Variants in DSCAML1 observed in about 807,000 individuals in gnomAD.
DSCAML1 encodes the protein cell adhesion molecule DSCAML1.
A neutral mutation model predicts 200.5 loss-of-function variants in DSCAML1; 38 were observed. The ratio of observed to expected loss-of-function variants is 0.19; its 90% CI spans 0.15 to 0.25. The LOEUF is 0.25. Among genes scored for constraint, DSCAML1 ranks in the 10% least tolerant of loss-of-function variants. The probability of loss-of-function intolerance (pLI) is 1.00; values close to 1 mark genes in which losing one functional copy is unlikely to be tolerated. For synonymous variants in DSCAML1, 1,215 were observed against 1,165.0 expected (o/e 1.04, Z -0.87); for missense variants, 2,223 against 2,858.8 (o/e 0.78, Z 5.07).
chr11:117,527,710 C>T (rs1016723701), intron 4 of DSCAML1, among the ~76,000 whole-genome samples: 1 of 152,152 alleles, frequency 6.6e-6, no homozygotes, highest in Non-Finnish European at 1.5e-5. Context: ...ATCTAAAATC[C>T]TAAATTTTGC....
intron 11 of DSCAML1, among the ~76,000 whole-genome samples, chr11:117,486,512 A>G (rs2049069798): frequency 6.6e-6 from 1 of 152,242 alleles, no homozygotes; most frequent in Non-Finnish European, 1.5e-5. Flanking sequence ...CGCATGTCTC[A>G]GGCAAGAAGG....
intron 5 of DSCAML1, among the ~76,000 whole-genome samples, chr11:117,522,855 G>A (rs1159120846): frequency 6.6e-6 from 1 of 152,168 alleles, no homozygotes; most frequent in Non-Finnish European, 1.5e-5. Flanking sequence ...GGGAGAGGCT[G>A]TAGAGAGGCT....
chr11:117,432,284 T>C lies in DSCAML1; in HGVS notation c.5179+68A>G, dbSNP rs74741480. On this transcript the variant is annotated intron_variant, in intron 30 of 32. Coordinates refer to ENST00000651296, the MANE Select transcript of DSCAML1 (RefSeq NM_020693.4). ...CCTCCCTTTAAAAAAAAACACCACC[T>C]CTGTGTCATGCTATGCCCAAGCCAC... is the stretch of plus-strand genomic sequence containing the variant. 3.3e-4 allele frequency: 490 copies of C among 1,490,052 alleles called. 5 individuals carry two copies. The East Asian group carries it at 0.01, about 31-fold the overall frequency. The allele number at this position is 1,490,052 out of a possible 1,614,324, so 92.3% of individuals were successfully genotyped here.
intron 3 of DSCAML1, among the ~76,000 whole-genome samples, chr11:117,580,579 A>G (rs200998599): frequency 6.6e-6 from 1 of 151,628 alleles, no homozygotes; most frequent in East Asian, 1.9e-4. Context: ...TGCTAAATAA[A>G]TGTTGGCCAT....
Position 117,521,410 on chromosome 11 carries a change from G to A in DSCAML1, c.938-5C>T. On this transcript the variant is annotated splice_polypyrimidine_tract_variant and splice_region_variant and intron_variant, in intron 5 of 32. Coordinates refer to ENST00000651296, the MANE Select transcript of DSCAML1 (RefSeq NM_020693.4). ...TCAGGGTCACATGAAGGGGATCTGGGCCGGGCCAGGGAGACGTGAGGGGAA... is the reference window on the plus strand; with the variant it reads ...TCAGGGTCACATGAAGGGGATCTGGACCGGGCCAGGGAGACGTGAGGGGAA... 6.2e-7 allele frequency: 1 copy of A among 1,610,740 alleles called. No individual in the cohort carries two copies. Among genetic ancestry groups the A allele is most frequent in the South Asian group, 1.1e-5 (1 of 91,032 alleles).
intron 3 of DSCAML1, among the ~76,000 whole-genome samples, chr11:117,592,232 C>T (rs1008647738): frequency 5.3e-5 from 8 of 152,160 alleles, no homozygotes; most frequent in African/African-American, 1.7e-4. Flanking sequence ...CCTAGCCCAT[C>T]ATCCCTCCAC....
rs2054123701 is a variant in DSCAML1 at position 117,726,054 on chromosome 11, T to C, written c.511+50737A>G. 2.6e-5 allele frequency among the ~76,000 whole-genome samples: 4 copies of C among 152,186 alleles called. No individual in the cohort carries two copies. The South Asian group carries it at 6.2e-4, about 24-fold the overall frequency. ...CAGCCAGGCTGGCCATCCTCCCTGA[T>C]GGATCATCCCCAGAGGGCACCGCAG... On this transcript the variant is annotated intron_variant, in intron 3 of 32. Transcript: ENST00000651296.
chr11:117,711,477 C>G (rs2053848416), intron 3 of DSCAML1, among the ~76,000 whole-genome samples: 2 of 152,200 alleles, frequency 1.3e-5, no homozygotes, highest in Non-Finnish European at 2.9e-5. Flanking sequence ...GGGCAGTTTC[C>G]TCCCTCACGT....
In DSCAML1 at chr11:117,503,769, G is replaced by C; in HGVS notation, c.2359+76C>G. The C allele has an allele frequency of 6.8e-7, 1 of 1,472,534 alleles. No individual in the cohort carries two copies. 91.2% of individuals were successfully genotyped at this position (1,472,534 alleles called of 1,614,324 possible). The stretch of plus-strand genomic sequence containing the variant: ...AGATGAAACGACGGAGACTAAGAGA[G>C]TAGGCAGGGAGAGTGCAGAGCCGGG... On this transcript the variant is annotated intron_variant, in intron 11 of 32. Transcript: ENST00000651296. The surrounding 1 kb of genome is among the most constrained non-coding windows in gnomAD (Gnocchi z 5.2).
At chr11:117,441,123 G>A (rs1258262335) in intron 21 of DSCAML1, among the ~76,000 whole-genome samples, 1 of 151,984 alleles carries the variant, frequency 6.6e-6, no homozygotes, top group African/African-American at 2.4e-5. Flanking sequence ...CAAAACTTAG[G>A]GTCTGGCTGG....
At position 117,518,718 on chromosome 11, in the gene DSCAML1, T is replaced by G; in HGVS notation, c.1258A>C (p.Asn420His). The change falls in exon 7 of 33, where the codon AAC (asparagine) becomes CAC (histidine). Residue 420 changes from asparagine (N) to histidine (H), a missense_variant. Coordinates refer to ENST00000651296, the MANE Select transcript of DSCAML1 (RefSeq NM_020693.4). The surrounding 1 kb of genome is among the most constrained non-coding windows in gnomAD (Gnocchi z 6.3). ...ATCAGTGAGAACTGCTCCCCGGGGT[T>G]GACCACCTTCTCGCTGAAGGACGAG... ...IVSSFSEKVV[N>H]PGEQFSLMCA... 1 of 1,613,070 alleles carries G rather than the reference T, an allele frequency of 6.2e-7. No homozygotes were observed. Among genetic ancestry groups the G allele is most frequent in the Non-Finnish European group, 8.5e-7 (1 of 1,180,000 alleles).
intron 3 of DSCAML1, among the ~76,000 whole-genome samples, chr11:117,767,636 C>G (rs996450321): frequency 6.6e-6 from 1 of 152,198 alleles, no homozygotes; most frequent in Non-Finnish European, 1.5e-5. Flanking sequence ...GACCAGCTGC[C>G]TTTTCCACTC....
At chr11:117,717,314 G>A (rs543183225) in intron 3 of DSCAML1, among the ~76,000 whole-genome samples, 145 of 151,516 alleles carry the variant, frequency 9.6e-4, no homozygotes, top group African/African-American at 3.4e-3. Context: ...ACCCACCCTC[G>A]AAGGCCACCT....
chr11:117,485,965 G>C (rs2049040020), intron 11 of DSCAML1, among the ~76,000 whole-genome samples: 1 of 152,194 alleles, frequency 6.6e-6, no homozygotes, highest in South Asian at 2.1e-4. Context: ...GTCCTAGCTT[G>C]ATAACCAGAA....
At chr11:117,733,624 T>C (rs2054263944) in intron 3 of DSCAML1, among the ~76,000 whole-genome samples, 1 of 152,164 alleles carries the variant, frequency 6.6e-6, no homozygotes, top group South Asian at 2.1e-4. Context: ...GGTGGGGAAA[T>C]ATTTGAGGGT....
intron 3 of DSCAML1, among the ~76,000 whole-genome samples, chr11:117,688,504 C>T (rs12288712): frequency 0.25 from 38,504 of 152,108 alleles, 6,014 homozygotes; most frequent in African/African-American, 0.44. Context: ...CACCCATTCC[C>T]GCCTCCTCCC....
At chr11:117,617,009 T>C (rs566620143) in intron 3 of DSCAML1, among the ~76,000 whole-genome samples, 1 of 152,344 alleles carries the variant, frequency 6.6e-6, no homozygotes, top group African/African-American at 2.4e-5. Flanking sequence ...ATAAAGATCA[T>C]TCAACTAAAT....
chr11:117,505,746 C>A lies in DSCAML1; in HGVS notation c.1784-14G>T. On this transcript the variant is annotated splice_polypyrimidine_tract_variant and intron_variant, in intron 8 of 32. Transcript: ENST00000651296. The surrounding 1 kb of genome is among the most constrained non-coding windows in gnomAD (Gnocchi z 6.7). ...TCAGAGGGGGCACTGGGAAGGCAAG[C>A]GGGTGCTGCCGTCAGGACCCTGTGC... The A allele has an allele frequency of 6.2e-7, 1 of 1,600,980 alleles. No individual in the cohort carries two copies. The highest frequency in any genetic ancestry group is 1.1e-5 in the South Asian group (1 of 90,650).
intron 3 of DSCAML1, among the ~76,000 whole-genome samples, chr11:117,748,400 T>G (rs1457889747): frequency 6.6e-6 from 1 of 152,196 alleles, no homozygotes; most frequent in African/African-American, 2.4e-5. Flanking sequence ...ACAATAAGCC[T>G]GCTCCCTCTC....
Sources: gnomAD v4.1 joint callset for allele counts (sites outside exome capture counted in the v4.1 genomes callset) on GRCh38, gnomAD v4.1.1 for gene constraint, Gnocchi (gnomAD v3.1) non-coding constraint, MANE v1.5 for transcripts, NCBI Gene and HGNC (gene_info 2026-07-23, HGNC 2026-07-21) for gene names.